IFIT3: variants seen among roughly 807,000 people sequenced by gnomAD.
The protein encoded by IFIT3 is interferon induced protein with tetratricopeptide repeats 3.
IFIT3 carries 2 observed loss-of-function variants against 2.4 expected under a neutral mutation model. The ratio of observed to expected loss-of-function variants is 0.82; its 90% confidence interval spans 0.34 to 2.60. The LOEUF is 2.60. IFIT3 is among the 30% of genes most tolerant of loss of function. The pLI is 0.11. For synonymous variants in IFIT3, 203 were observed against 212.1 expected (o/e 0.96, Z 0.37); for missense variants, 481 against 562.4 (o/e 0.86, Z 1.46).
chr10:89,339,523 A>G lies in IFIT3; in HGVS notation c.868A>G (p.Arg290Gly). The change falls in exon 2 of 2, where the codon AGA becomes GGA. Residue 290 changes from arginine to glycine, a missense_variant. Coordinates refer to ENST00000371818, the MANE Select transcript of IFIT3 (RefSeq NM_001549.6). ...QIGCCYKAKV[R>G]QMQNTGESEA... The stretch of plus-strand genomic sequence containing the variant: ...TGGGTGCTGCTACAAGGCAAAAGTA[A>G]GACAAATGCAGAATACAGGAGAATC... 6.2e-7 allele frequency: 1 copy of G among 1,614,182 alleles called. No homozygotes were observed. Among genetic ancestry groups the G allele is most frequent in the East Asian group, 2.2e-5 (1 of 44,872 alleles).
In IFIT3 at chr10:89,339,941, G is replaced by T; in HGVS notation, c.1286G>T (p.Gly429Val). The part of the protein sequence containing the change: ...YLQGLIHKQN[G>V]DLLQAAKCYE... ...CAAGGATTAATTCATAAGCAGAATGGAGATCTGCTGCAAGCAGCCAAATGT... is the reference window on the plus strand; with the variant it reads ...CAAGGATTAATTCATAAGCAGAATGTAGATCTGCTGCAAGCAGCCAAATGT... Residue 429 changes from glycine to valine, a missense_variant, in exon 2 of 2, where the codon GGA (glycine) becomes GTA (valine). By Grantham distance (109) the Gly-to-Val change is moderately radical (BLOSUM62 -3). Coordinates refer to ENST00000371818, the MANE Select transcript of IFIT3 (RefSeq NM_001549.6). 1 of 1,614,122 alleles carries T rather than the reference G, an allele frequency of 6.2e-7. No homozygotes were observed. The highest frequency in any genetic ancestry group is 1.3e-5 in the African/African-American group (1 of 75,062).
intron 1 of IFIT3, among the ~76,000 whole-genome samples, chr10:89,334,518 C>T (rs112219615): frequency 0.11 from 3,911 of 36,316 alleles, 281 homozygotes; most frequent in African/African-American, 0.32. Context: ...TTTTTTGAGA[C>T]GGAGTTTTGC....
At chr10:89,329,584 T>C (rs556086753) in intron 1 of IFIT3, among the ~76,000 whole-genome samples, 1 of 152,194 alleles carries the variant, frequency 6.6e-6, no homozygotes, top group South Asian at 2.1e-4. Context: ...AATTTCCAAA[T>C]GGGAAAATCA....
At chr10:89,331,241 T>C (rs2133541926) in intron 1 of IFIT3, among the ~76,000 whole-genome samples, 1 of 152,256 alleles carries the variant, frequency 6.6e-6, no homozygotes, top group African/African-American at 2.4e-5. Flanking sequence ...GGCCCGATCA[T>C]GGCTCACTGC....
At chr10:89,329,093 T>C (rs1210690045) in intron 1 of IFIT3, among the ~76,000 whole-genome samples, 1 of 152,124 alleles carries the variant, frequency 6.6e-6, no homozygotes, top group Non-Finnish European at 1.5e-5. Context: ...GAGAAAAGGA[T>C]GCCTTTCCCA....
rs1843842389 is a variant in IFIT3 at position 89,340,252 on chromosome 10, G to C, written c.*124G>C. On this transcript the variant is annotated 3_prime_UTR_variant, in exon 2 of 2. Transcript: ENST00000371818. Reference sequence around the variant, plus strand: ...GGGAAGCTTTGCATGTTGCTCTAAGGTACATTTTTAAAGAGTTGTTTTTTG... The same window carrying C: ...GGGAAGCTTTGCATGTTGCTCTAAGCTACATTTTTAAAGAGTTGTTTTTTG... 1 of 1,058,732 alleles carries C rather than the reference G, an allele frequency of 9.4e-7. No individual in the cohort carries two copies. Among genetic ancestry groups the C allele is most frequent in the Admixed American group, 2.9e-5 (1 of 34,064 alleles). 65.6% of individuals were successfully genotyped at this position (1,058,732 alleles called of 1,614,324 possible).
Position 89,328,027 on chromosome 10 carries a change from A to G in IFIT3, c.-47A>G. On this transcript the variant is annotated 5_prime_UTR_variant, in exon 1 of 2. Coordinates refer to ENST00000371818, the MANE Select transcript of IFIT3 (RefSeq NM_001549.6). Reference sequence around the variant, plus strand: ...CAGGAAGACTTCTGAAGAACAAATCAGCCTGGTCACCAGCTTTTCGGAACA... The same window carrying G: ...CAGGAAGACTTCTGAAGAACAAATCGGCCTGGTCACCAGCTTTTCGGAACA... 1 of 1,612,612 alleles carries G rather than the reference A, an allele frequency of 6.2e-7. No individual in the cohort carries two copies. Among genetic ancestry groups the G allele is most frequent in the Non-Finnish European group, 8.5e-7 (1 of 1,178,650 alleles).
chr10:89,338,168 G>A (rs1485672571), intron 1 of IFIT3: 2 of 156,392 alleles, frequency 1.3e-5, no homozygotes, highest in Non-Finnish European at 2.8e-5. Context: ...TATATATAAA[G>A]AGATTTATTA....
At chr10:89,333,775 GA>G (rs1259470200) in intron 1 of IFIT3, among the ~76,000 whole-genome samples, 2 of 152,250 alleles carry the variant, frequency 1.3e-5, no homozygotes, top group Non-Finnish European at 2.9e-5. Context: ...AGTCTTCCCA[GA>G]GCCTTGCTGC....
rs146994557 is a variant in IFIT3, at chr10:89,331,488, G to A, written c.5+3410G>A. On this transcript the variant is annotated intron_variant, in intron 1 of 1. Coordinates refer to ENST00000371818, the MANE Select transcript of IFIT3 (RefSeq NM_001549.6). ...GTGCCTGGCCAACATTTTCCATACA[G>A]AGGCTAACATACAGATATACAATTT... 1.7e-3 allele frequency among the ~76,000 whole-genome samples: 261 copies of A among 152,248 alleles called. 5 individuals carry two copies. In the East Asian group the frequency reaches 0.043, roughly 25 times the overall value.
At chr10:89,337,849 A>C (rs1032496299) in intron 1 of IFIT3, among the ~76,000 whole-genome samples, 9 of 152,238 alleles carry the variant, frequency 5.9e-5, no homozygotes, top group African/African-American at 2.2e-4. Context: ...GCTAAAGAAA[A>C]GTGAATGTAG....
Position 89,340,821 on chromosome 10 carries a change from AG to A in IFIT3, c.*694del. The A allele has an allele frequency of 6.6e-6, 1 of 152,304 alleles. No homozygotes were observed. Among genetic ancestry groups the A allele is most frequent in the Non-Finnish European group, 1.5e-5 (1 of 68,032 alleles). 9.4% of individuals were successfully genotyped at this position (152,304 alleles called of 1,614,324 possible). The stretch of plus-strand genomic sequence containing the variant: ...TTTCATCCAGACTTCTGGAACTCAA[AG>A]ATTAACTTTTGACTAACCCTGGAAT... On this transcript the variant is annotated 3_prime_UTR_variant, in exon 2 of 2. Coordinates refer to ENST00000371818, the MANE Select transcript of IFIT3 (RefSeq NM_001549.6).
chr10:89,339,238 G>GT lies in IFIT3; in HGVS notation c.587dup (p.Leu196PhefsTer6). On this transcript the variant is annotated frameshift_variant, in exon 2 of 2. Coordinates refer to ENST00000371818, the MANE Select transcript of IFIT3 (RefSeq NM_001549.6). LOFTEE classifies it low-confidence loss of function (END_TRUNC). ...CCCAGAGAAACAGTTCTCTACTGAT[G>GT]TTTTGAAGCAGGCCATTGAGCTGAG... is the stretch of plus-strand genomic sequence containing the variant. 6.2e-7 allele frequency: 1 copy of GT among 1,614,218 alleles called. No homozygotes were observed. The highest frequency in any genetic ancestry group is 8.5e-7 in the Non-Finnish European group (1 of 1,180,030).
intron 1 of IFIT3, among the ~76,000 whole-genome samples, chr10:89,331,154 TG>T (rs1843645762): frequency 6.6e-6 from 1 of 151,982 alleles, no homozygotes; most frequent in Non-Finnish European, 1.5e-5. Context: ...CAACTTCTCT[TG>T]TTGTTGTTGT....
At chr10:89,331,813 C>T (rs1422892525) in intron 1 of IFIT3, among the ~76,000 whole-genome samples, 1 of 140,444 alleles carries the variant, frequency 7.1e-6, no homozygotes, top group Non-Finnish European at 1.5e-5. Flanking sequence ...AAGCTGAGAT[C>T]GTGCTACTGC....
At chr10:89,331,715 C>T (rs1843653096) in intron 1 of IFIT3, among the ~76,000 whole-genome samples, 1 of 151,748 alleles carries the variant, frequency 6.6e-6, no homozygotes. Context: ...AAAAATCAGC[C>T]AGGCGTGGTG....
Position 89,328,069 on chromosome 10 carries a change from C to T in IFIT3, c.-5C>T, listed in dbSNP as rs762507604. 10 of 1,613,860 alleles carry T rather than the reference C, an allele frequency of 6.2e-6. 1 individual carries two copies. In the South Asian group the frequency reaches 9.9e-5, roughly 16 times the overall value. On this transcript the variant is annotated 5_prime_UTR_variant, in exon 1 of 2. Coordinates refer to ENST00000371818, the MANE Select transcript of IFIT3 (RefSeq NM_001549.6). ...TTCGGAACAGCAGAGACACAGAGGGCAGTCATGAGGTCAGTGAAATAAGAA... is the reference window on the plus strand; with the variant it reads ...TTCGGAACAGCAGAGACACAGAGGGTAGTCATGAGGTCAGTGAAATAAGAA...
chr10:89,332,028 C>G (rs1478511673), intron 1 of IFIT3, among the ~76,000 whole-genome samples: 2 of 151,838 alleles, frequency 1.3e-5, no homozygotes, highest in Non-Finnish European at 2.9e-5. Context: ...GTCAGGAGTT[C>G]GAGAACAGCC....
intron 1 of IFIT3, among the ~76,000 whole-genome samples, chr10:89,330,809 A>T (rs1305597725): frequency 6.6e-6 from 1 of 152,204 alleles, no homozygotes; most frequent in Non-Finnish European, 1.5e-5. Context: ...AAAGGGGAAA[A>T]CTGCTTTTTA....
Sources: allele counts gnomAD v4.1 joint callset (sites outside exome capture counted in the v4.1 genomes callset), GRCh38; gene constraint gnomAD v4.1.1; transcripts MANE v1.5; gene names NCBI Gene and HGNC (gene_info 2026-07-23, HGNC 2026-07-21).